The following CDH10 variants were observed in gnomAD, a reference collection of about 807,000 sequenced individuals.
CDH10 encodes the protein cadherin-10.
CDH10 carries 30 observed loss-of-function variants against 73.1 expected under a neutral mutation model. That is an observed-to-expected ratio of 0.41 (90% CI 0.31 to 0.56). CDH10 has a LOEUF of 0.56. Among genes scored for constraint, CDH10 ranks in the 20% least tolerant of loss-of-function variants. CDH10 has a pLI of 0.27. For synonymous variants in CDH10, 345 were observed against 348.2 expected (o/e 0.99, Z 0.10); for missense variants, 815 against 973.7 (o/e 0.84, Z 2.17).
At chr5:24,636,189 T>A (rs551264007) in intron 1 of CDH10, among the ~76,000 whole-genome samples, 1 of 152,076 alleles carries the variant, frequency 6.6e-6, no homozygotes, top group Non-Finnish European at 1.5e-5. Flanking sequence ...ATTTTAATCA[T>A]GACAATTGTC....
chr5:24,536,688 G>A (rs1387696284), intron 3 of CDH10, among the ~76,000 whole-genome samples: 1 of 151,826 alleles, frequency 6.6e-6, no homozygotes. Context: ...TATGTACATT[G>A]AAAAGAGAAA....
In CDH10 at chr5:24,606,583, C is replaced by G. The variant is rs918997841; in HGVS notation, c.-123-12970G>C. ...CCGAGATCACACCACTGCACTCCAG[C>G]CTGGGTGACAGAATGAGACTCTGTC... On this transcript the variant is annotated intron_variant, in intron 1 of 11. Coordinates refer to ENST00000264463, the MANE Select transcript of CDH10 (RefSeq NM_006727.5). Among the ~76,000 whole-genome samples, 21 of 152,150 alleles carry G rather than the reference C, an allele frequency of 1.4e-4. 1 individual carries two copies. Among genetic ancestry groups the G allele is most frequent in the African/African-American group, 5.1e-4 (21 of 41,514 alleles).
intron 1 of CDH10, among the ~76,000 whole-genome samples, chr5:24,626,420 A>T (rs997297825): frequency 1.3e-5 from 2 of 152,116 alleles, no homozygotes; most frequent in African/African-American, 4.8e-5. Context: ...AAGGGACAAT[A>T]ATCACGATGG....
chr5:24,643,213 G>A (rs1200595230), intron 1 of CDH10, among the ~76,000 whole-genome samples: 1 of 152,078 alleles, frequency 6.6e-6, no homozygotes, highest in East Asian at 1.9e-4. Flanking sequence ...ATGCGACTTA[G>A]CATTTACCTG....
intron 1 of CDH10, among the ~76,000 whole-genome samples, chr5:24,596,226 T>A (rs1290852985): frequency 6.6e-6 from 1 of 151,958 alleles, no homozygotes; most frequent in Admixed American, 6.6e-5. Context: ...GACTTTAGTA[T>A]AAATATCACT....
At chr5:24,494,886 G>A (rs1742210783) in intron 9 of CDH10, among the ~76,000 whole-genome samples, 1 of 152,050 alleles carries the variant, frequency 6.6e-6, no homozygotes, top group African/African-American at 2.4e-5. Flanking sequence ...TTACATTACA[G>A]TATATTTTTA....
intron 2 of CDH10, among the ~76,000 whole-genome samples, chr5:24,560,200 TTGTGTGTGTGTGTGTGTG>T (rs70965615): frequency 0.035 from 5,190 of 148,228 alleles, 138 homozygotes; most frequent in Non-Finnish European, 0.053. Context: ...ATATTTGCAA[TTGTGTGTGTGTGTGTGTG>T]TGTGTGTGTG....
intron 10 of CDH10, 56 bp downstream of exon 10, chr5:24,492,761 G>T: frequency 1.3e-6 from 1 of 776,944 alleles, no homozygotes; most frequent in East Asian, 2.5e-5. Context: ...GGTTACACTC[G>T]GGAAATTTCC....
At chr5:24,586,977 T>G (rs908686434) in intron 2 of CDH10, among the ~76,000 whole-genome samples, 24 of 151,068 alleles carry the variant, frequency 1.6e-4, no homozygotes, top group Non-Finnish European at 2.8e-4. Context: ...CCCGAGTAGC[T>G]GGGACTACAG....
chr5:24,550,232 C>T (rs1744496565), intron 2 of CDH10, among the ~76,000 whole-genome samples: 1 of 152,168 alleles, frequency 6.6e-6, no homozygotes, highest in African/African-American at 2.4e-5. Context: ...TGTGAAAATA[C>T]ATTGAATTGT....
intron 1 of CDH10, among the ~76,000 whole-genome samples, chr5:24,596,388 T>A (rs1324192979): frequency 6.6e-6 from 1 of 151,844 alleles, no homozygotes; most frequent in African/African-American, 2.4e-5. Flanking sequence ...TTTGTCAGTG[T>A]GTCATCACAC....
chr5:24,608,788 A>G (rs1746849568), intron 1 of CDH10, among the ~76,000 whole-genome samples: 1 of 152,240 alleles, frequency 6.6e-6, no homozygotes, highest in African/African-American at 2.4e-5. Context: ...ATGGCACAAG[A>G]GCACTGGTTT....
chr5:24,565,109 C>T (rs1470653076), intron 2 of CDH10, among the ~76,000 whole-genome samples: 1 of 152,100 alleles, frequency 6.6e-6, no homozygotes, highest in Non-Finnish European at 1.5e-5. Context: ...CAATAGGGTC[C>T]TTTTCAACCT....
intron 2 of CDH10, among the ~76,000 whole-genome samples, chr5:24,584,046 C>G (rs961238148): frequency 6.6e-6 from 1 of 152,196 alleles, no homozygotes; most frequent in South Asian, 2.1e-4. Context: ...TTGATTCTTA[C>G]CACTAGAAAA....
At chr5:24,612,416 T>C (rs952795247) in intron 1 of CDH10, 3 of 152,196 alleles carry the variant, frequency 2.0e-5, no homozygotes, top group Non-Finnish European at 1.5e-5. Context: ...AATTTATTGC[T>C]TATCACCTTA....
At chr5:24,558,679 A>G (rs1283254287) in intron 2 of CDH10, among the ~76,000 whole-genome samples, 1 of 126,196 alleles carries the variant, frequency 7.9e-6, no homozygotes, top group Non-Finnish European at 1.7e-5. Context: ...ATATCTGCAT[A>G]TAAGTCAAAA....
intron 5 of CDH10, among the ~76,000 whole-genome samples, chr5:24,529,299 G>T (rs1383221538): frequency 6.6e-6 from 1 of 151,908 alleles, no homozygotes. Flanking sequence ...GTTTACAGTT[G>T]CTTCTGAATT....
At chr5:24,593,914 G>T (rs1327252133) in intron 1 of CDH10, among the ~76,000 whole-genome samples, 1 of 151,758 alleles carries the variant, frequency 6.6e-6, no homozygotes, top group African/African-American at 2.4e-5. Context: ...ATACACAGGA[G>T]ATATAGTTCA....
At chr5:24,558,929 C>A (rs562410621) in intron 2 of CDH10, among the ~76,000 whole-genome samples, 1 of 151,882 alleles carries the variant, frequency 6.6e-6, no homozygotes, top group Admixed American at 6.6e-5. Flanking sequence ...TAAATTAGTT[C>A]TATCTCATTC....
Sources: gnomAD v4.1 joint callset for allele counts (sites outside exome capture counted in the v4.1 genomes callset) on GRCh38, gnomAD v4.1.1 for gene constraint, MANE v1.5 for transcripts, NCBI Gene and HGNC (gene_info 2026-07-23, HGNC 2026-07-21) for gene names.